SOX5: variants seen among roughly 807,000 people sequenced by gnomAD.
SOX5 encodes the protein SRY-box transcription factor 5, also known as transcription factor SOX-5.
SOX5 carries 9 observed loss-of-function variants against 92.0 expected under a neutral mutation model. The observed-to-expected ratio is 0.10, with a 90% confidence interval of 0.06 to 0.17. The LOEUF (loss-of-function observed/expected upper bound fraction) is 0.17. Among genes scored for constraint, SOX5 ranks in the 10% least tolerant of loss-of-function variants. The pLI is 1.00. For synonymous variants in SOX5, 344 were observed against 336.3 expected (o/e 1.02, Z -0.25); for missense variants, 642 against 944.5 (o/e 0.68, Z 4.20).
intron 2 of SOX5, among the ~76,000 whole-genome samples, chr12:24,355,773 G>A (rs1264664024): frequency 1.3e-5 from 2 of 152,136 alleles, no homozygotes; most frequent in Non-Finnish European, 2.9e-5. Context: ...AATGGTAAGA[G>A]GCTTATCTAT....
At chr12:23,802,663 A>G (rs1305135488) in intron 3 of SOX5, among the ~76,000 whole-genome samples, 2 of 152,214 alleles carry the variant, frequency 1.3e-5, no homozygotes, top group African/African-American at 4.8e-5. Flanking sequence ...CCCAGATATG[A>G]TAGATGATAT....
chr12:24,087,164 GTCTC>G (rs140332802), intron 4 of SOX5, among the ~76,000 whole-genome samples: 22 of 151,548 alleles, frequency 1.5e-4, no homozygotes, highest in South Asian at 1.0e-3. Flanking sequence ...TGTGTTCTCT[GTCTC>G]TCTCTCTCTC....
intron 1 of SOX5, among the ~76,000 whole-genome samples, chr12:24,400,880 G>A (rs1206952632): frequency 3.9e-5 from 6 of 152,222 alleles, no homozygotes; most frequent in Admixed American, 2.0e-4. Context: ...AAATGTCAGT[G>A]TCTAAAATAA....
At chr12:24,211,282 A>G (rs1958580616) in intron 4 of SOX5, among the ~76,000 whole-genome samples, 1 of 152,178 alleles carries the variant, frequency 6.6e-6, no homozygotes, top group Admixed American at 6.5e-5. Context: ...AGTGTTCTCT[A>G]GTATCTCTGC....
chr12:23,645,729 T>C (rs1473473274), intron 7 of SOX5, among the ~76,000 whole-genome samples: 1 of 152,094 alleles, frequency 6.6e-6, no homozygotes, highest in African/African-American at 2.4e-5. Flanking sequence ...AATTAATGAA[T>C]GTGTATTAAT....
intron 7 of SOX5, among the ~76,000 whole-genome samples, chr12:23,651,799 G>A (rs1226079222): frequency 2.6e-5 from 4 of 151,666 alleles, no homozygotes; most frequent in Non-Finnish European, 2.9e-5. Context: ...AAAAAAATGA[G>A]CCCCAAAGTA....
At chr12:23,819,774 G>A (rs760046370) in intron 3 of SOX5, among the ~76,000 whole-genome samples, 3 of 152,040 alleles carry the variant, frequency 2.0e-5, no homozygotes, top group Non-Finnish European at 2.9e-5. Flanking sequence ...TCTTTTTTAC[G>A]GCTGCATACC....
intron 8 of SOX5, chr12:23,638,569 T>A (rs2138655725): frequency 6.6e-6 from 1 of 152,282 alleles, no homozygotes; most frequent in Admixed American, 6.5e-5. Flanking sequence ...TAGGTAAGGC[T>A]TATAATAAAA....
intron 4 of SOX5, among the ~76,000 whole-genome samples, chr12:24,154,205 C>A (rs1951936092): frequency 6.6e-6 from 1 of 152,096 alleles, no homozygotes; most frequent in South Asian, 2.1e-4. Flanking sequence ...ATGCATGTAG[C>A]CTTTTGCTTA....
chr12:23,871,993 C>CT (rs752984009), intron 2 of SOX5, among the ~76,000 whole-genome samples: 2,903 of 141,348 alleles, frequency 0.021, 83 homozygotes, highest in African/African-American at 0.064. Flanking sequence ...TACATTTATT[C>CT]TTTTTTTTTT....
chr12:23,699,158 T>C (rs2140172449), intron 6 of SOX5, among the ~76,000 whole-genome samples: 1 of 152,304 alleles, frequency 6.6e-6, no homozygotes, highest in East Asian at 1.9e-4. Context: ...AGCTATTCTT[T>C]CCAGTGCTGC....
At chr12:23,966,013 A>G (rs1359679951) in intron 4 of SOX5, among the ~76,000 whole-genome samples, 7 of 152,072 alleles carry the variant, frequency 4.6e-5, no homozygotes, top group Admixed American at 6.6e-5. Context: ...TGTGCTGTCC[A>G]TTGCTTAATG....
At chr12:23,978,761 G>T (rs1949194196) in intron 4 of SOX5, among the ~76,000 whole-genome samples, 1 of 151,996 alleles carries the variant, frequency 6.6e-6, no homozygotes, top group African/African-American at 2.4e-5. Context: ...AACACTAACA[G>T]AAAGTTACTT....
intron 7 of SOX5, among the ~76,000 whole-genome samples, chr12:23,661,526 A>G (rs965166151): frequency 2.0e-5 from 3 of 152,228 alleles, no homozygotes; most frequent in Non-Finnish European, 4.4e-5. Context: ...ATTCAAAATT[A>G]TCTTCCTTTA....
At chr12:23,798,778 A>G (rs1454615606) in intron 3 of SOX5, among the ~76,000 whole-genome samples, 1 of 151,994 alleles carries the variant, frequency 6.6e-6, no homozygotes, top group Non-Finnish European at 1.5e-5. Context: ...TGAGATTACT[A>G]AAGTAATATA....
chr12:23,678,683 G>A (rs902243438), intron 6 of SOX5, among the ~76,000 whole-genome samples: 6 of 151,686 alleles, frequency 4.0e-5, no homozygotes, highest in Admixed American at 3.9e-4. Context: ...TTTACTCTTT[G>A]AAACTCACAA....
At chr12:23,589,974 TG>T (rs1332151499) in intron 9 of SOX5, among the ~76,000 whole-genome samples, 6 of 151,998 alleles carry the variant, frequency 3.9e-5, no homozygotes, top group African/African-American at 1.4e-4. Context: ...AAGTGTGCTT[TG>T]ATACTATTCA....
chr12:24,286,649 T>C (rs961728564), intron 2 of SOX5, among the ~76,000 whole-genome samples: 3 of 152,194 alleles, frequency 2.0e-5, no homozygotes, highest in Non-Finnish European at 4.4e-5. Context: ...GTGATCTTCC[T>C]GCCTCAGCCT....
intron 2 of SOX5, among the ~76,000 whole-genome samples, chr12:24,308,036 A>C (rs1032462691): frequency 6.6e-5 from 10 of 151,968 alleles, no homozygotes; most frequent in Non-Finnish European, 1.5e-4. Context: ...AAAAAAAAAA[A>C]CAGAAGCTGG....
Sources: allele counts gnomAD v4.1 joint callset (sites outside exome capture counted in the v4.1 genomes callset), GRCh38; gene constraint gnomAD v4.1.1; transcripts MANE v1.5; gene names NCBI Gene and HGNC (gene_info 2026-07-23, HGNC 2026-07-21).